CCM2L: variants seen among roughly 807,000 people sequenced by gnomAD.
CCM2L encodes cerebral cavernous malformations 2 protein-like.
Under a neutral mutation model 54.1 loss-of-function variants are expected in CCM2L, and 36 were observed. The observed-to-expected ratio is 0.67, with a 90% CI of 0.51 to 0.88. The LOEUF is 0.88. Ranked by LOEUF, CCM2L falls within the 40% of genes least tolerant of loss-of-function variation. CCM2L has a pLI of 0.00. For synonymous variants in CCM2L, 351 were observed against 359.3 expected (o/e 0.98, Z 0.26); for missense variants, 700 against 812.1 (o/e 0.86, Z 1.68).
chr20:32,021,644 CAAA>C (rs879560406), intron 5 of CCM2L, among the ~76,000 whole-genome samples: 1 of 145,876 alleles, frequency 6.9e-6, no homozygotes, highest in Non-Finnish European at 1.5e-5. Context: ...GACTCTATCT[CAAA>C]AAAAAAAAGT....
Position 32,031,059 on chromosome 20 carries a change from C to T in CCM2L, c.1461C>T (p.Gly487=), listed in dbSNP as rs766846316. The T allele has an allele frequency of 5.4e-6, 7 of 1,304,288 alleles. No homozygotes were observed. The highest frequency in any genetic ancestry group is 7.1e-6 in the Non-Finnish European group (7 of 988,946). 80.8% of individuals were successfully genotyped at this position (1,304,288 alleles called of 1,614,324 possible). The change falls in exon 10 of 10, where the codon GGC becomes GGT. Residue 487 remains glycine (G), a synonymous_variant. Transcript: ENST00000452892. ...GCTACTTCGAGGGCTTCCTGGAGGG[C>T]GTGGGCATCCGCGAGGGCGGCATCC... is the stretch of plus-strand genomic sequence containing the variant. ...DIGYFEGFLE[G]VGIREGGILT... is the part of the protein sequence containing the mutation.
rs773955445 is a variant in CCM2L, at chr20:32,014,988, C to G, written c.115C>G (p.Leu39Val). The change falls in exon 2 of 10, where the codon CTG becomes GTG. Residue 39 changes from leucine to valine, a missense_variant. Transcript: ENST00000452892. ...ACRSSVSRRP[L>V]HSMPLYPPDY... ...TAGGAGCAGCGTGAGCCGCCGGCCC[C>G]TGCACTCGATGCCCCTTTATCCCCC... 6.3e-7 allele frequency: 1 copy of G among 1,585,572 alleles called. No homozygotes were observed. Among genetic ancestry groups the G allele is most frequent in the Non-Finnish European group, 8.6e-7 (1 of 1,167,824 alleles).
rs376303876 is a variant in CCM2L, at chr20:32,015,009, C to T, written c.136C>T (p.Pro46Ser). ...GCCCCTGCACTCGATGCCCCTTTAT[C>T]CCCCCGACTACCTCATCGACCCCCA... ...RRPLHSMPLYPPDYLIDPQIL... is the reference protein window; with the variant it reads ...RRPLHSMPLYSPDYLIDPQIL... Residue 46 changes from proline (P) to serine (S), a missense_variant, in exon 2 of 10, where the codon CCC (proline) becomes TCC (serine). Coordinates refer to ENST00000452892, the MANE Select transcript of CCM2L (RefSeq NM_001365692.1). 5 of 1,574,678 alleles carry T rather than the reference C, an allele frequency of 3.2e-6. No homozygotes were observed. The Admixed American group carries it at 7.6e-5, about 24-fold the overall frequency.
At chr20:32,012,131 C>T (rs2064700708) in intron 1 of CCM2L, among the ~76,000 whole-genome samples, 1 of 151,992 alleles carries the variant, frequency 6.6e-6, no homozygotes, top group South Asian at 2.1e-4. Context: ...CTACATACCC[C>T]ATCCTGGCTC....
At chr20:32,028,218 G>T (rs758714875) in intron 7 of CCM2L, 4 of 152,184 alleles carry the variant, frequency 2.6e-5, no homozygotes, top group African/African-American at 7.2e-5. Context: ...TGGGCAGATT[G>T]CTTGAGGTGA....
rs962755157 is a variant in CCM2L at position 32,029,950 on chromosome 20, A to G, written c.1402+112A>G. On this transcript the variant is annotated intron_variant, in intron 9 of 9. Transcript: ENST00000452892. ...TCTCCTTATCTTTCAGCCTCTGATG[A>G]AACCCAGATCATGAGATTCACAGGG... The G allele has an allele frequency of 2.3e-6, 3 of 1,297,662 alleles. No homozygotes were observed. In the Admixed American group the frequency reaches 9.5e-5, roughly 41 times the overall value. The allele number at this position is 1,297,662 out of a possible 1,614,324, so 80.4% of individuals were successfully genotyped here. A position where few individuals can be genotyped will look rare whatever the true frequency, so the allele number is the denominator to read the frequency against.
chr20:32,024,546 G>T (rs1338304680), intron 6 of CCM2L, among the ~76,000 whole-genome samples: 1 of 152,208 alleles, frequency 6.6e-6, no homozygotes, highest in Non-Finnish European at 1.5e-5. Context: ...ACAACCACAG[G>T]TTGGGCACAG....
At chr20:32,026,697 G>A (rs948297074) in intron 7 of CCM2L, among the ~76,000 whole-genome samples, 2 of 152,058 alleles carry the variant, frequency 1.3e-5, no homozygotes, top group Admixed American at 6.6e-5. Flanking sequence ...GCAACATGGC[G>A]AAACCCCATC....
chr20:32,010,603 A>C (rs1340676688), intron 1 of CCM2L, 119 bp downstream of exon 1: 16 of 918,116 alleles, frequency 1.7e-5, no homozygotes, highest in Admixed American at 8.3e-5. Context: ...CTTTCTTCTC[A>C]TTTGGAAGTA....
rs1600680070 is a variant in CCM2L, at chr20:32,022,767, A to G, written c.1041A>G (p.Thr347=). The G allele has an allele frequency of 6.2e-7, 1 of 1,613,144 alleles. No homozygotes were observed. The highest frequency in any genetic ancestry group is 1.3e-5 in the African/African-American group (1 of 74,804). ...GGGCTGGCTACCACTACACATCCAC[A>G]CCTGAACGGCCATGGCTCTGCAGCC... The part of the protein sequence containing the change: ...VDRAGYHYTS[T]PERPWLCSRS... Residue 347 remains threonine (T), a synonymous_variant, in exon 6 of 10, where the codon ACA becomes ACG. Coordinates refer to ENST00000452892, the MANE Select transcript of CCM2L (RefSeq NM_001365692.1).
intron 2 of CCM2L, 65 bp downstream of exon 2, chr20:32,015,136 A>G: frequency 7.1e-7 from 1 of 1,402,890 alleles, no homozygotes; most frequent in Non-Finnish European, 9.4e-7. Context: ...TCTCCTTGAC[A>G]CCAAGTTCTG....
At chr20:32,017,126 T>A (rs954774128) in intron 2 of CCM2L, among the ~76,000 whole-genome samples, 3 of 152,184 alleles carry the variant, frequency 2.0e-5, no homozygotes, top group African/African-American at 7.2e-5. Context: ...CCAGCCTGAG[T>A]GACACTGAGA....
intron 4 of CCM2L, 22 bp downstream of exon 4, chr20:32,018,184 GC>G: frequency 7.5e-6 from 6 of 800,540 alleles, no homozygotes; most frequent in African/African-American, 3.0e-5. Flanking sequence ...GGGGGCGGGG[GC>G]GGGGGAGGGG....
At chr20:32,010,543 G>T in intron 1 of CCM2L, 59 bp downstream of exon 1, 3 of 1,197,520 alleles carry the variant, frequency 2.5e-6, no homozygotes, top group Non-Finnish European at 3.6e-6. Context: ...TGGGGAAGGG[G>T]GCAAACTGGG....
At position 32,019,110 on chromosome 20, in the gene CCM2L, G is replaced by T. The variant is rs2064773447; in HGVS notation, c.634G>T (p.Ala212Ser). Reference sequence around the variant, plus strand: ...GCGGATGGGGTGGGGTGGGGGCGCCGCGGAGGCCCGGGCCGGGGGAGGCGG... The same window carrying T: ...GCGGATGGGGTGGGGTGGGGGCGCCTCGGAGGCCCGGGCCGGGGGAGGCGG... ...DWRMGWGGGA[A>S]EARAGGGGGG... The change falls in exon 5 of 10, where the codon GCG (alanine) becomes TCG (serine). Residue 212 changes from alanine to serine, a missense_variant. Transcript: ENST00000452892. 2 of 1,172,394 alleles carry T rather than the reference G, an allele frequency of 1.7e-6. No individual in the cohort carries two copies. Among genetic ancestry groups the T allele is most frequent in the Admixed American group, 9.2e-5 (2 of 21,686 alleles). 72.6% of individuals were successfully genotyped at this position (1,172,394 alleles called of 1,614,324 possible).
At chr20:32,026,283 C>CT (rs142152345) in intron 7 of CCM2L, among the ~76,000 whole-genome samples, 2,284 of 152,244 alleles carry the variant, frequency 0.015, 57 homozygotes, top group African/African-American at 0.052. Context: ...CAAGATAGAA[C>CT]TTTTTTTTCT....
At chr20:32,011,339 T>A (rs1406213863) in intron 1 of CCM2L, among the ~76,000 whole-genome samples, 1 of 152,206 alleles carries the variant, frequency 6.6e-6, no homozygotes, top group Non-Finnish European at 1.5e-5. Flanking sequence ...GTGCAGTGGC[T>A]CACACCTGTA....
rs762258228 is a variant in CCM2L, at chr20:32,014,864, C to T, written c.31-40C>T. ...GAGCATAGTAAGAGTTCAATAAAAG[C>T]AGCCACTGTTATCACTCTCATTCCT... On this transcript the variant is annotated intron_variant, in intron 1 of 9. Transcript: ENST00000452892. 3 of 1,533,216 alleles carry T rather than the reference C, an allele frequency of 2.0e-6. No homozygotes were observed. The East Asian group carries it at 7.5e-5, about 38-fold the overall frequency. 95.0% of individuals were successfully genotyped at this position (1,533,216 alleles called of 1,614,324 possible). A position where few individuals can be genotyped will look rare whatever the true frequency, so the allele number is the denominator to read the frequency against.
chr20:32,028,938 C>A, intron 7 of CCM2L, 57 bp from the exon 8 acceptor site: 2 of 1,606,818 alleles, frequency 1.2e-6, no homozygotes, highest in Non-Finnish European at 8.5e-7. Flanking sequence ...CTTCAGCCTG[C>A]CTGAGGGCCA....
Sources: allele counts gnomAD v4.1 joint callset (sites outside exome capture counted in the v4.1 genomes callset), GRCh38; gene constraint gnomAD v4.1.1; transcripts MANE v1.5; gene names NCBI Gene and HGNC (gene_info 2026-07-23, HGNC 2026-07-21).